The following RBFOX1 variants were observed in gnomAD, a reference collection of about 807,000 sequenced individuals.
RBFOX1 encodes the protein RNA binding fox-1 homolog 1.
A neutral mutation model predicts 57.7 loss-of-function variants in RBFOX1; 8 were observed. That is an observed-to-expected ratio of 0.14 (90% CI 0.08 to 0.25). The LOEUF (loss-of-function observed/expected upper bound fraction) is 0.25, where lower values mean the gene tolerates loss of function less well. RBFOX1 is among the 10% of genes least tolerant of loss of function. The pLI is 1.00. For missense variants in RBFOX1, 611 were observed against 548.5 expected, an observed-to-expected ratio of 1.11 and a Z score of -1.14; for synonymous variants, 326 against 222.4, an observed-to-expected ratio of 1.47 and a Z score of -4.15.
chr16:6,973,117 C>T (rs759488057), intron 3 of RBFOX1, among the ~76,000 whole-genome samples: 1 of 145,162 alleles, frequency 6.9e-6, no homozygotes, highest in African/African-American at 2.5e-5. Context: ...GGTGACGGAG[C>T]AAGACTCCAT....
chr16:5,899,428 A>T (rs891095642), intron 4 of RBFOX1, among the ~76,000 whole-genome samples: 2 of 152,130 alleles, frequency 1.3e-5, no homozygotes, highest in African/African-American at 2.4e-5. Flanking sequence ...TGAATGATGA[A>T]CAGGGCACAG....
intron 3 of RBFOX1, among the ~76,000 whole-genome samples, chr16:6,722,465 G>C (rs2066212437): frequency 6.6e-6 from 1 of 152,134 alleles, no homozygotes; most frequent in South Asian, 2.1e-4. Flanking sequence ...ACTCCTTTCT[G>C]ATGAAAGCGG....
intron 2 of RBFOX1, among the ~76,000 whole-genome samples, chr16:6,622,787 C>T (rs112628581): frequency 1.3e-5 from 2 of 152,102 alleles, no homozygotes; most frequent in African/African-American, 4.8e-5. Context: ...TTATTTAATA[C>T]TGAAGCCACT....
chr16:6,132,563 G>T (rs895427289), intron 1 of RBFOX1, among the ~76,000 whole-genome samples: 16 of 152,128 alleles, frequency 1.1e-4, no homozygotes, highest in African/African-American at 3.4e-4. Context: ...CATAAGTTCA[G>T]TTACTCACTG....
At chr16:7,255,503 A>G (rs913397767) in intron 4 of RBFOX1, among the ~76,000 whole-genome samples, 1 of 152,230 alleles carries the variant, frequency 6.6e-6, no homozygotes, top group Non-Finnish European at 1.5e-5. Flanking sequence ...TTGCCATGGC[A>G]AGATGTCCAG....
intron 4 of RBFOX1, among the ~76,000 whole-genome samples, chr16:7,133,373 A>G (rs777394141): frequency 1.3e-5 from 2 of 152,208 alleles, no homozygotes; most frequent in Non-Finnish European, 2.9e-5. Flanking sequence ...CCGATGTGAG[A>G]TGAACATATT....
intron 4 of RBFOX1, among the ~76,000 whole-genome samples, chr16:7,167,070 C>G (rs1451862990): frequency 7.2e-6 from 1 of 139,106 alleles, no homozygotes; most frequent in African/African-American, 2.7e-5. Context: ...GCTGCAACCT[C>G]CGTCCCCTGG....
intron 2 of RBFOX1, among the ~76,000 whole-genome samples, chr16:6,338,710 C>T (rs74005094): frequency 0.033 from 5,090 of 152,148 alleles, 206 homozygotes; most frequent in African/African-American, 0.094. Context: ...ACTCAAGAGA[C>T]CTGAAAAAGT....
At chr16:6,500,728 A>G (rs1598339371) in intron 2 of RBFOX1, among the ~76,000 whole-genome samples, 2 of 152,106 alleles carry the variant, frequency 1.3e-5, no homozygotes, top group Non-Finnish European at 2.9e-5. Context: ...ACACTTGACA[A>G]CATCTTGACT....
intron 3 of RBFOX1, among the ~76,000 whole-genome samples, chr16:6,947,601 G>A (rs2079820861): frequency 6.6e-6 from 1 of 152,206 alleles, no homozygotes; most frequent in Non-Finnish European, 1.5e-5. Flanking sequence ...CTCCTGCCTT[G>A]CGTAGAAGGA....
At chr16:7,039,319 C>T (rs970484102) in intron 3 of RBFOX1, among the ~76,000 whole-genome samples, 1 of 152,194 alleles carries the variant, frequency 6.6e-6, no homozygotes, top group African/African-American at 2.4e-5. Flanking sequence ...CCCTCCAAAG[C>T]TGGCATCCTT....
chr16:7,633,840 T>C (rs540012068), intron 11 of RBFOX1, among the ~76,000 whole-genome samples: 4 of 152,342 alleles, frequency 2.6e-5, no homozygotes, highest in South Asian at 4.1e-4. Flanking sequence ...TTCTCTTTTA[T>C]GGCTTTTTGG....
chr16:6,375,564 G>A (rs1041989038), intron 2 of RBFOX1, among the ~76,000 whole-genome samples: 1 of 152,140 alleles, frequency 6.6e-6, no homozygotes, highest in South Asian at 2.1e-4. Context: ...AAATACTCTA[G>A]GAAAAGACCC....
In RBFOX1 at chr16:5,900,434, G is replaced by C. The variant is rs551869269; in HGVS notation, c.351+33099G>C. ...GAAAGAGAAAATTCCCCAAACAACT[G>C]TGTTTCTGCAAGGAGATTTATTTCA... On this transcript the variant is annotated intron_variant, in intron 4 of 19. Coordinates refer to the RBFOX1 transcript ENST00000641259. 2.6e-5 allele frequency among the ~76,000 whole-genome samples: 4 copies of C among 152,302 alleles called. No individual in the cohort carries two copies. In the South Asian group the frequency reaches 6.2e-4, roughly 24 times the overall value.
intron 4 of RBFOX1, among the ~76,000 whole-genome samples, chr16:7,443,380 C>G (rs1468848948): frequency 6.6e-6 from 1 of 151,950 alleles, no homozygotes; most frequent in Non-Finnish European, 1.5e-5. Flanking sequence ...CTCTCTTTCA[C>G]ATTAATCATG....
chr16:5,840,276 G>C (rs949724301), intron 3 of RBFOX1, among the ~76,000 whole-genome samples: 2 of 152,182 alleles, frequency 1.3e-5, no homozygotes, highest in African/African-American at 4.8e-5. Flanking sequence ...CGCTGTCCTT[G>C]GTTGAACCAG....
chr16:5,447,378 A>ATCTCTCTCTCCC (rs2068277778), intron 1 of RBFOX1, among the ~76,000 whole-genome samples: 1 of 134,360 alleles, frequency 7.4e-6, no homozygotes, highest in African/African-American at 3.0e-5. Context: ...CAATCAATCA[A>ATCTCTCTCTCCC]TCTCTCTCTC....
intron 3 of RBFOX1, among the ~76,000 whole-genome samples, chr16:6,875,511 C>T (rs940941614): frequency 3.9e-5 from 6 of 152,138 alleles, no homozygotes; most frequent in African/African-American, 1.2e-4. Context: ...TACATCAATT[C>T]AGTGCTCTGG....
rs539302127 is a variant in RBFOX1 at position 5,582,462 on chromosome 16, C to G, written c.259-16440C>G. 5.9e-5 allele frequency among the ~76,000 whole-genome samples: 9 copies of G among 151,882 alleles called. No individual in the cohort carries two copies. In the South Asian group the frequency reaches 1.7e-3, roughly 28 times the overall value. On this transcript the variant is annotated intron_variant, in intron 2 of 2. Transcript: ENST00000585867. Reference sequence around the variant, plus strand: ...GTGCCCCTGTTAACGATGAGGAAACCAAGACCAGAGAGGTTAAACAGCCCT... The same window carrying G: ...GTGCCCCTGTTAACGATGAGGAAACGAAGACCAGAGAGGTTAAACAGCCCT...
Sources: gnomAD v4.1 joint callset for allele counts (sites outside exome capture counted in the v4.1 genomes callset) on GRCh38, gnomAD v4.1.1 for gene constraint, MANE v1.5 for transcripts, NCBI Gene and HGNC (gene_info 2026-07-23, HGNC 2026-07-21) for gene names.